Variants in AGBL1 observed in about 807,000 individuals in gnomAD.
The protein encoded by AGBL1 is AGBL carboxypeptidase 1.
In AGBL1, 130 loss-of-function variants were observed where a neutral mutation model predicts 118.9. The ratio of observed to expected loss-of-function variants is 1.09; its 90% confidence interval spans 0.95 to 1.26. The LOEUF (loss-of-function observed/expected upper bound fraction) is 1.26, where lower values mean the gene tolerates loss of function less well. Ranked by LOEUF, AGBL1 falls within the 50% of genes most tolerant of loss-of-function variation. The pLI is 0.00. For missense variants in AGBL1, 1,584 were observed against 1,298.1 expected (o/e 1.22, Z -3.38); for synonymous variants, 555 against 478.9 (o/e 1.16, Z -2.08).
chr15:86,748,687 A>G (rs2077797256), intron 22 of AGBL1, among the ~76,000 whole-genome samples: 1 of 151,608 alleles, frequency 6.6e-6, no homozygotes, highest in African/African-American at 2.4e-5. Context: ...TAATTTTTGT[A>G]TAAGGTGTAA....
intron 5 of AGBL1, among the ~76,000 whole-genome samples, chr15:86,165,285 G>A (rs1018834509): frequency 6.6e-6 from 1 of 152,080 alleles, no homozygotes; most frequent in Admixed American, 6.6e-5. Flanking sequence ...CTGAGTGCAG[G>A]ATTACTGGGC....
intron 21 of AGBL1, among the ~76,000 whole-genome samples, chr15:86,664,615 C>G (rs947741921): frequency 6.6e-6 from 1 of 152,082 alleles, no homozygotes; most frequent in African/African-American, 2.4e-5. Flanking sequence ...TTTACCTCCC[C>G]TGCCAAGTAG....
chr15:86,754,010 A>G (rs2077896724), intron 22 of AGBL1, among the ~76,000 whole-genome samples: 1 of 152,118 alleles, frequency 6.6e-6, no homozygotes, highest in Admixed American at 6.6e-5. Context: ...TGTTCCACAG[A>G]AAAGAAACCT....
At chr15:87,022,183 C>G (rs992014962) in intron 24 of AGBL1, among the ~76,000 whole-genome samples, 2 of 152,080 alleles carry the variant, frequency 1.3e-5, no homozygotes, top group Non-Finnish European at 2.9e-5. Context: ...CAGCCCTACA[C>G]CTTCCCTCTG....
At chr15:86,575,851 C>G (rs1441831017) in intron 21 of AGBL1, among the ~76,000 whole-genome samples, 1 of 152,172 alleles carries the variant, frequency 6.6e-6, no homozygotes, top group Non-Finnish European at 1.5e-5. Flanking sequence ...CCCACCTTGG[C>G]CTCTCAAATT....
intron 22 of AGBL1, among the ~76,000 whole-genome samples, chr15:86,678,080 A>G (rs1010260526): frequency 6.6e-6 from 1 of 152,184 alleles, no homozygotes; most frequent in Non-Finnish European, 1.5e-5. Flanking sequence ...TGGAATGGCT[A>G]AGTCTAGTAA....
chr15:86,917,030 G>C (rs1356656901), downstream of AGBL1, among the ~76,000 whole-genome samples: 1 of 152,196 alleles, frequency 6.6e-6, no homozygotes, highest in Admixed American at 6.5e-5. This position sits in a 1 kb window ranked among gnomAD's most constrained non-coding sequence, Gnocchi z 4.8. Flanking sequence ...AATTGAGTCA[G>C]CAAACTTCAG....
Position 86,492,945 on chromosome 15 carries a change from T to C in AGBL1, c.2556-29865T>C, listed in dbSNP as rs144807395. Among the ~76,000 whole-genome samples, 904 of 151,996 alleles carry C rather than the reference T, an allele frequency of 5.9e-3. 12 individuals are homozygous for C. The highest frequency in any genetic ancestry group is 0.02 in the African/African-American group (822 of 41,488). ...GGCTCACGCCTGTAATCCCAGCACTTTGGGAGACTGAGGTGGGCAGATCAC... is the reference window on the plus strand; with the variant it reads ...GGCTCACGCCTGTAATCCCAGCACTCTGGGAGACTGAGGTGGGCAGATCAC... On this transcript the variant is annotated intron_variant, in intron 18 of 22. Coordinates refer to ENST00000614907, the MANE Select transcript of AGBL1 (RefSeq NM_001386094.1).
At chr15:86,462,142 G>A (rs559833607) in intron 18 of AGBL1, among the ~76,000 whole-genome samples, 20 of 152,328 alleles carry the variant, frequency 1.3e-4, no homozygotes, top group African/African-American at 4.3e-4. Flanking sequence ...ACACTTAGGA[G>A]TCAGAGATCT....
At chr15:86,656,356 C>A (rs1248981829) in intron 21 of AGBL1, among the ~76,000 whole-genome samples, 1 of 152,150 alleles carries the variant, frequency 6.6e-6, no homozygotes, top group African/African-American at 2.4e-5. Context: ...ATTAGTGGTG[C>A]TTCAAAAGTG....
chr15:87,031,291 G>A (rs753168046), downstream of AGBL1, among the ~76,000 whole-genome samples: 8 of 151,852 alleles, frequency 5.3e-5, no homozygotes, highest in Non-Finnish European at 8.8e-5. Context: ...TGGAAGATTA[G>A]TCAACGGCAA....
intron 23 of AGBL1, among the ~76,000 whole-genome samples, chr15:86,955,535 C>A (rs1596672234): frequency 1.3e-5 from 2 of 151,578 alleles, no homozygotes; most frequent in African/African-American, 2.4e-5. Flanking sequence ...AGAAAGAAAT[C>A]AAAAAATGTA....
At chr15:86,806,974 A>G (rs1232223256) in intron 22 of AGBL1, among the ~76,000 whole-genome samples, 1 of 152,066 alleles carries the variant, frequency 6.6e-6, no homozygotes, top group African/African-American at 2.4e-5. Context: ...TCTAATTTAT[A>G]TTTTATATCT....
chr15:86,722,327 G>C (rs2086737058), intron 22 of AGBL1, among the ~76,000 whole-genome samples: 2 of 152,204 alleles, frequency 1.3e-5, no homozygotes, highest in Admixed American at 6.5e-5. Flanking sequence ...CAATGGAACA[G>C]AGCAGAGCCC....
At chr15:86,348,902 A>G (rs1337374242) in intron 17 of AGBL1, among the ~76,000 whole-genome samples, 1 of 152,094 alleles carries the variant, frequency 6.6e-6, no homozygotes, top group Non-Finnish European at 1.5e-5. Context: ...GAATGTGATC[A>G]TGTTGAGGAA....
At chr15:86,627,396 T>C (rs2084904470) in intron 21 of AGBL1, among the ~76,000 whole-genome samples, 2 of 152,148 alleles carry the variant, frequency 1.3e-5, no homozygotes, top group Non-Finnish European at 2.9e-5. Context: ...AAAACAGTCC[T>C]TAAAATAATC....
At chr15:86,308,700 C>T (rs1230021349) in intron 17 of AGBL1, among the ~76,000 whole-genome samples, 1 of 152,182 alleles carries the variant, frequency 6.6e-6, no homozygotes, top group Non-Finnish European at 1.5e-5. Context: ...ATTGTGTACT[C>T]TTGACACCTG....
intron 21 of AGBL1, among the ~76,000 whole-genome samples, chr15:86,559,174 G>A (rs533116320): frequency 3.3e-5 from 5 of 152,180 alleles, no homozygotes; most frequent in Middle Eastern, 3.4e-3. Context: ...ACTGGAATAA[G>A]AGCCCACCTT....
At chr15:86,331,228 A>C (rs548149952) in intron 17 of AGBL1, among the ~76,000 whole-genome samples, 1 of 148,856 alleles carries the variant, frequency 6.7e-6, no homozygotes, top group South Asian at 2.1e-4. Flanking sequence ...CATCTCAAAA[A>C]AAAAAAAAAA....
Sources: gnomAD v4.1 joint callset for allele counts (sites outside exome capture counted in the v4.1 genomes callset) on GRCh38, gnomAD v4.1.1 for gene constraint, Gnocchi (gnomAD v3.1) non-coding constraint, MANE v1.5 for transcripts, NCBI Gene and HGNC (gene_info 2026-07-23, HGNC 2026-07-21) for gene names.